Variants in PMS1 observed in about 807,000 individuals in gnomAD.
PMS1 encodes PMS1 protein homolog 1.
PMS1 carries 79 observed loss-of-function variants against 93.1 expected under a neutral mutation model. The ratio of observed to expected loss-of-function variants is 0.85; its 90% CI spans 0.71 to 1.02. The LOEUF (loss-of-function observed/expected upper bound fraction) is 1.02, where lower values mean the gene tolerates loss of function less well. Ranked by LOEUF, PMS1 falls within the 50% of genes least tolerant of loss-of-function variation. The pLI, the probability that PMS1 is intolerant of heterozygous loss-of-function variation, is 0.00. For missense variants in PMS1, 1,064 were observed against 1,085.3 expected, an observed-to-expected ratio of 0.98 and a Z score of 0.28; for synonymous variants, 335 against 363.4, an observed-to-expected ratio of 0.92 and a Z score of 0.89.
At chr2:189,874,849 G>T (rs979022903) in intron 12 of PMS1, among the ~76,000 whole-genome samples, 27 of 152,226 alleles carry the variant, frequency 1.8e-4, no homozygotes, top group African/African-American at 6.3e-4. Context: ...TTGTGAAAGA[G>T]TTAGTATGAA....
chr2:189,804,479 G>A (rs752783711), intron 3 of PMS1, among the ~76,000 whole-genome samples: 2 of 152,122 alleles, frequency 1.3e-5, no homozygotes, highest in African/African-American at 2.4e-5. Flanking sequence ...CACAGTAATA[G>A]CTTGACATAG....
At chr2:189,826,093 G>T (rs2106354293) in intron 5 of PMS1, among the ~76,000 whole-genome samples, 1 of 152,268 alleles carries the variant, frequency 6.6e-6, no homozygotes, top group East Asian at 1.9e-4. Context: ...ATTCTCCATG[G>T]TCATTTTATC....
chr2:189,842,965 T>C (rs1251051460), intron 5 of PMS1, among the ~76,000 whole-genome samples: 1 of 136,420 alleles, frequency 7.3e-6, no homozygotes, highest in Non-Finnish European at 1.6e-5. Flanking sequence ...AAAGTATTTA[T>C]ATATATATAT....
intron 11 of PMS1, among the ~76,000 whole-genome samples, chr2:189,868,590 A>G (rs1279478201): frequency 6.6e-6 from 1 of 152,188 alleles, no homozygotes; most frequent in Non-Finnish European, 1.5e-5. Context: ...AGAGAGGTAC[A>G]TTGGAACCAT....
At chr2:189,836,085 C>G (rs545043232) in intron 5 of PMS1, among the ~76,000 whole-genome samples, 33 of 152,162 alleles carry the variant, frequency 2.2e-4, no homozygotes, top group Admixed American at 5.9e-4. Flanking sequence ...GCAGTTTTAG[C>G]ATTGTACTAT....
intron 6 of PMS1, among the ~76,000 whole-genome samples, chr2:189,852,117 C>T (rs2054799903): frequency 6.6e-6 from 1 of 151,718 alleles, no homozygotes; most frequent in Non-Finnish European, 1.5e-5. Context: ...TAAAGTACAA[C>T]AGTGCAATCA....
Position 189,870,111 on chromosome 2 carries a change from A to G in PMS1, c.2473+2182A>G, listed in dbSNP as rs149358411. On this transcript the variant is annotated intron_variant, in intron 11 of 12. Coordinates refer to ENST00000441310, the MANE Select transcript of PMS1 (RefSeq NM_000534.5). The stretch of plus-strand genomic sequence containing the variant: ...ATCATCAGCATTATTTCCCTTGTCA[A>G]TAACAGAGCAAGTTAAAGATATTTA... Among the ~76,000 whole-genome samples the G allele has an allele frequency of 4.6e-5, 7 of 152,320 alleles. No homozygotes were observed. The East Asian group carries it at 9.6e-4, about 21-fold the overall frequency.
intron 5 of PMS1, among the ~76,000 whole-genome samples, chr2:189,827,265 C>G (rs764110557): frequency 2.6e-5 from 4 of 152,206 alleles, no homozygotes; most frequent in African/African-American, 9.6e-5. Flanking sequence ...ACACATTTCT[C>G]TATTCCAACA....
chr2:189,826,829 T>C (rs2052473107), intron 5 of PMS1, among the ~76,000 whole-genome samples: 1 of 152,186 alleles, frequency 6.6e-6, no homozygotes, highest in Non-Finnish European at 1.5e-5. Context: ...TAGTACAGGA[T>C]GGAATATTAA....
At chr2:189,870,848 G>A (rs191663524) in intron 11 of PMS1, among the ~76,000 whole-genome samples, 10 of 152,134 alleles carry the variant, frequency 6.6e-5, no homozygotes, top group Non-Finnish European at 1.0e-4. Flanking sequence ...TTTCATTTAC[G>A]TTTCCCCTAT....
At chr2:189,857,301 A>C (rs183569395) in intron 9 of PMS1, 1 of 172,872 alleles carries the variant, frequency 5.8e-6, no homozygotes, top group Non-Finnish European at 1.3e-5. Flanking sequence ...TCTTGGGATC[A>C]GAGTTCTAAT....
intron 11 of PMS1, 152 bp from the exon 12 acceptor site, chr2:189,873,344 C>T: frequency 1.7e-6 from 1 of 590,812 alleles, no homozygotes; most frequent in Non-Finnish European, 3.1e-6. Flanking sequence ...TGGGAAATTA[C>T]TATTTGTTCT....
chr2:189,823,268 T>A (rs2052110674), intron 5 of PMS1, among the ~76,000 whole-genome samples: 1 of 152,132 alleles, frequency 6.6e-6, no homozygotes, highest in African/African-American at 2.4e-5. Context: ...ATTTTTATTT[T>A]TTTAATTTAT....
intron 5 of PMS1, among the ~76,000 whole-genome samples, chr2:189,832,346 C>G (rs5743073): frequency 0.02 from 3,016 of 152,234 alleles, 49 homozygotes; most frequent in Non-Finnish European, 0.03. Flanking sequence ...TATGTTGTTA[C>G]AAAGCAATAG....
chr2:189,859,577 G>C (rs908991076), intron 9 of PMS1, among the ~76,000 whole-genome samples: 2 of 152,106 alleles, frequency 1.3e-5, no homozygotes, highest in African/African-American at 4.8e-5. Flanking sequence ...TTAAGAAAAG[G>C]GGTGACATAA....
chr2:189,816,997 A>G (rs1038219162), intron 4 of PMS1, among the ~76,000 whole-genome samples: 3 of 152,188 alleles, frequency 2.0e-5, no homozygotes, highest in African/African-American at 4.8e-5. Flanking sequence ...GTAGTTTTTA[A>G]ATACTAAATC....
At chr2:189,825,012 ATAT>A (rs1480140593) in intron 5 of PMS1, among the ~76,000 whole-genome samples, 1 of 152,004 alleles carries the variant, frequency 6.6e-6, no homozygotes, top group African/African-American at 2.4e-5. Flanking sequence ...AAACCTGACG[ATAT>A]TGTTGTCTTT....
chr2:189,831,992 G>A (rs1243856460), intron 5 of PMS1, among the ~76,000 whole-genome samples: 1 of 152,010 alleles, frequency 6.6e-6, no homozygotes, highest in Non-Finnish European at 1.5e-5. Context: ...CGGCCTCCCA[G>A]TGGATGTTAT....
intron 5 of PMS1, among the ~76,000 whole-genome samples, chr2:189,830,271 T>A (rs1025124225): frequency 1.3e-5 from 2 of 152,242 alleles, no homozygotes; most frequent in Non-Finnish European, 2.9e-5. Context: ...CCTTTACCTC[T>A]GATTTCATTA....
Sources: allele counts gnomAD v4.1 joint callset (sites outside exome capture counted in the v4.1 genomes callset), GRCh38; gene constraint gnomAD v4.1.1; transcripts MANE v1.5; gene names NCBI Gene and HGNC (gene_info 2026-07-23, HGNC 2026-07-21).